Variants in GLIS3 observed in about 807,000 individuals in gnomAD.
GLIS3 encodes the protein zinc finger protein GLIS3.
Under a neutral mutation model 78.6 loss-of-function variants are expected in GLIS3, and 53 were observed. The ratio of observed to expected loss-of-function variants is 0.67; its 90% confidence interval spans 0.54 to 0.85. The LOEUF (loss-of-function observed/expected upper bound fraction) is 0.85, where lower values mean the gene tolerates loss of function less well. Ranked by LOEUF, GLIS3 falls within the 40% of genes least tolerant of loss-of-function variation. The pLI is 0.00. For synonymous variants in GLIS3, 684 were observed against 509.9 expected (o/e 1.34, Z -4.60); for missense variants, 1,703 against 1,231.1 (o/e 1.38, Z -5.74).
chr9:4,365,870 C>T, the GLIS3 span, among the ~76,000 whole-genome samples: 2 of 152,242 alleles, frequency 1.3e-5, no homozygotes, highest in Non-Finnish European at 2.9e-5. Context: ...CAACACCCCT[C>T]CACCCCAAAG....
chr9:3,926,272 C>G (rs981343031), intron 6 of GLIS3, among the ~76,000 whole-genome samples: 28 of 149,322 alleles, frequency 1.9e-4, no homozygotes, highest in Non-Finnish European at 3.7e-4. Flanking sequence ...GCTCTGTCAC[C>G]CACACTAGAG....
At chr9:4,166,556 G>T (rs1451199493) in intron 2 of GLIS3, among the ~76,000 whole-genome samples, 2 of 152,366 alleles carry the variant, frequency 1.3e-5, no homozygotes, top group African/African-American at 4.8e-5. Context: ...TCAAGTGCTG[G>T]CCTGAGTACT....
At chr9:4,052,540 T>C (rs1825815762) in intron 4 of GLIS3, among the ~76,000 whole-genome samples, 1 of 152,158 alleles carries the variant, frequency 6.6e-6, no homozygotes. Flanking sequence ...TTTCTGTCTC[T>C]ATAGATTTAC....
intron 2 of GLIS3, among the ~76,000 whole-genome samples, chr9:4,194,730 G>T (rs2131234206): frequency 6.6e-6 from 1 of 152,264 alleles, no homozygotes; most frequent in East Asian, 1.9e-4. Context: ...GAGAGGGAGG[G>T]AGTCTACCTC....
intron 2 of GLIS3, among the ~76,000 whole-genome samples, chr9:4,136,027 G>C (rs1006001113): frequency 6.6e-6 from 1 of 152,114 alleles, no homozygotes. Flanking sequence ...AAATGGCTAC[G>C]AACACCAAAG....
rs534924573 is a variant in GLIS3 at position 4,114,511 on chromosome 9, A to G, written c.1710+3257T>C. Among the ~76,000 whole-genome samples, 165 of 152,330 alleles carry G rather than the reference A, an allele frequency of 1.1e-3. 2 individuals are homozygous for G. Among genetic ancestry groups the G allele is most frequent in the African/African-American group, 3.7e-3 (155 of 41,572 alleles). Reference sequence around the variant, plus strand: ...TAGAATTCAACAGTTATAGCTGATAATGCTCAAATATTTTGATAATTCTGA... The same window carrying G: ...TAGAATTCAACAGTTATAGCTGATAGTGCTCAAATATTTTGATAATTCTGA... On this transcript the variant is annotated intron_variant, in intron 4 of 10. Transcript: ENST00000381971.
At chr9:4,484,063 G>A in the GLIS3 span, among the ~76,000 whole-genome samples, 1 of 152,102 alleles carries the variant, frequency 6.6e-6, no homozygotes, top group Non-Finnish European at 1.5e-5. Flanking sequence ...AGCTAAAATG[G>A]AACTTCTATG....
Position 4,286,155 on chromosome 9 carries a change from G to C in GLIS3, c.271C>G (p.Leu91Val), listed in dbSNP as rs1827973435. 6 of 1,614,222 alleles carry C rather than the reference G, an allele frequency of 3.7e-6. No individual in the cohort carries two copies. The highest frequency in any genetic ancestry group is 2.2e-5 in the South Asian group (2 of 91,084). The change falls in exon 2 of 11, where the codon CTC becomes GTC. Residue 91 changes from leucine to valine, a missense_variant. Physicochemically the swap from Leu to Val is conservative, Grantham distance 32 (BLOSUM62 1). Transcript: ENST00000381971. ...TGGAATCGCGGCTTCCCATTGGTGA[G>C]CATTTGTCTCCTGGGGCTTAAGGCA... The part of the protein sequence containing the change: ...LPALSPRRQM[L>V]TNGKPRFQVT...
chr9:4,195,437 C>G (rs901343506), intron 2 of GLIS3, among the ~76,000 whole-genome samples: 10 of 152,220 alleles, frequency 6.6e-5, no homozygotes, highest in Admixed American at 4.6e-4. Context: ...GGGCTTAGCA[C>G]CCGGGCCAGC....
the GLIS3 span, among the ~76,000 whole-genome samples, chr9:4,455,611 C>T: frequency 6.6e-6 from 1 of 152,062 alleles, no homozygotes; most frequent in Admixed American, 6.6e-5. Flanking sequence ...TCTCCAGTCG[C>T]TTATGCAATT....
chr9:3,869,378 G>C (rs1820829412), intron 8 of GLIS3, among the ~76,000 whole-genome samples: 1 of 152,162 alleles, frequency 6.6e-6, no homozygotes, highest in African/African-American at 2.4e-5. Flanking sequence ...AACAGGCTTA[G>C]TTTTTAGTTG....
chr9:4,465,275 C>T, the GLIS3 span, among the ~76,000 whole-genome samples: 7 of 152,308 alleles, frequency 4.6e-5, no homozygotes, highest in South Asian at 4.1e-4. Context: ...AGGCCGGGCA[C>T]GGTGGCTTAT....
chr9:3,894,051 G>C (rs1362417787), intron 7 of GLIS3, among the ~76,000 whole-genome samples: 1 of 152,144 alleles, frequency 6.6e-6, no homozygotes, highest in African/African-American at 2.4e-5. Flanking sequence ...GCAGTTCAAA[G>C]GAATGCTTCA....
chr9:4,108,970 A>G (rs946613807), intron 4 of GLIS3, among the ~76,000 whole-genome samples: 19 of 152,160 alleles, frequency 1.2e-4, no homozygotes, highest in African/African-American at 4.6e-4. Context: ...ACAAAAGGCA[A>G]GTCTTCCTTT....
chr9:4,014,857 C>G (rs1243215570), intron 4 of GLIS3, among the ~76,000 whole-genome samples: 1 of 152,172 alleles, frequency 6.6e-6, no homozygotes, highest in Non-Finnish European at 1.5e-5. Context: ...ACTGGCAGAG[C>G]TAGGACAATT....
intron 2 of GLIS3, among the ~76,000 whole-genome samples, chr9:4,245,485 A>C (rs148184037): frequency 4.0e-4 from 61 of 152,352 alleles, no homozygotes; most frequent in African/African-American, 1.4e-3. Flanking sequence ...TATGTACAGG[A>C]AACAACGTAG....
At chr9:4,128,619 A>G (rs997595720) in intron 2 of GLIS3, among the ~76,000 whole-genome samples, 2 of 152,134 alleles carry the variant, frequency 1.3e-5, no homozygotes, top group Non-Finnish European at 2.9e-5. Flanking sequence ...AAACAAAAAA[A>G]CTCCAAGTCA....
At chr9:4,156,757 C>T (rs1406205340) in intron 2 of GLIS3, among the ~76,000 whole-genome samples, 3 of 151,986 alleles carry the variant, frequency 2.0e-5, no homozygotes, top group Non-Finnish European at 4.4e-5. Flanking sequence ...ATGAGGAGGA[C>T]CCTGGATATG....
intron 1 of GLIS3, 112 bp downstream of exon 1, chr9:4,299,309 C>G (rs1285208368): frequency 2.0e-5 from 3 of 152,220 alleles, no homozygotes; most frequent in Admixed American, 6.5e-5. Flanking sequence ...GCGTAGAAAA[C>G]TATTTGTAAT....
Sources: gnomAD v4.1 joint callset for allele counts (sites outside exome capture counted in the v4.1 genomes callset) on GRCh38, gnomAD v4.1.1 for gene constraint, MANE v1.5 for transcripts, NCBI Gene and HGNC (gene_info 2026-07-23, HGNC 2026-07-21) for gene names.